ECH1: variants seen among roughly 807,000 people sequenced by gnomAD.
The protein encoded by ECH1 is delta(3,5)-Delta(2,4)-dienoyl-CoA isomerase, mitochondrial.
A neutral mutation model predicts 37.0 loss-of-function variants in ECH1; 30 were observed. The ratio of observed to expected loss-of-function variants is 0.81; its 90% CI spans 0.61 to 1.10. ECH1 has a LOEUF of 1.10. Among genes scored for constraint, ECH1 ranks in the 50% least tolerant of loss-of-function variants. The probability of loss-of-function intolerance (pLI) is 0.00; values close to 1 mark genes in which losing one functional copy is unlikely to be tolerated. For missense variants in ECH1, 456 were observed against 441.6 expected (o/e 1.03, Z -0.29); for synonymous variants, 178 against 176.0 (o/e 1.01, Z -0.09).
At chr19:38,818,143 C>T in intron 3 of ECH1, 1 of 853,012 alleles carries the variant, frequency 1.2e-6, no homozygotes, top group South Asian at 5.4e-5. Context: ...CACGTGTGAG[C>T]CACCATGCCG....
chr19:38,825,382 C>T (rs565509650), intron 3 of ECH1, among the ~76,000 whole-genome samples: 30 of 152,338 alleles, frequency 2.0e-4, no homozygotes, highest in Non-Finnish European at 3.8e-4. Context: ...GGAAGAAAAT[C>T]CTTCTGCCTT....
chr19:38,831,653 C>A, intron 1 of ECH1, 68 bp downstream of exon 1: 2 of 1,599,920 alleles, frequency 1.3e-6, no homozygotes. Context: ...GGATAGCCCT[C>A]CCCGTCCTAC....
At chr19:38,818,923 G>GTGTGTGTT (rs1428342171) in intron 3 of ECH1, among the ~76,000 whole-genome samples, 1 of 136,126 alleles carries the variant, frequency 7.3e-6, no homozygotes, top group East Asian at 3.2e-4. Flanking sequence ...GTGTGTGTGT[G>GTGTGTGTT]TGTGTGTGTG....
intron 3 of ECH1, among the ~76,000 whole-genome samples, chr19:38,824,528 G>T (rs1169211261): frequency 6.6e-6 from 1 of 152,156 alleles, no homozygotes; most frequent in Non-Finnish European, 1.5e-5. Context: ...CTGAAAAAGA[G>T]GAGGCTCATT....
At chr19:38,816,970 T>TC in intron 6 of ECH1, 95 bp downstream of exon 6, 1 of 1,389,146 alleles carries the variant, frequency 7.2e-7, no homozygotes, top group Non-Finnish European at 9.9e-7. Flanking sequence ...CGGGTTCAAC[T>TC]CCGACTCTTC....
chr19:38,821,727 TC>T (rs1250083860), intron 3 of ECH1, among the ~76,000 whole-genome samples: 3 of 152,130 alleles, frequency 2.0e-5, no homozygotes, highest in African/African-American at 7.2e-5. Flanking sequence ...CTCAGCTGCC[TC>T]CCTGTGGGGC....
At chr19:38,828,842 C>T (rs557250862) in intron 3 of ECH1, among the ~76,000 whole-genome samples, 5 of 150,530 alleles carry the variant, frequency 3.3e-5, no homozygotes, top group Non-Finnish European at 5.9e-5. Flanking sequence ...AGGATGGTCT[C>T]GATCTCCTGA....
At chr19:38,816,598 T>C (rs1454051583) in intron 6 of ECH1, 75 bp from the exon 7 acceptor site, 1 of 1,549,654 alleles carries the variant, frequency 6.5e-7, no homozygotes, top group Admixed American at 1.8e-5. Flanking sequence ...TCCATGAAAT[T>C]TCATGTCTAC....
chr19:38,816,662 A>T, intron 6 of ECH1, 139 bp from the exon 7 acceptor site: 1 of 1,073,408 alleles, frequency 9.3e-7, no homozygotes, highest in Non-Finnish European at 1.4e-6. Context: ...GTCCCATTCC[A>T]TTGCCCAGGC....
At chr19:38,821,299 C>A (rs1337982376) in intron 3 of ECH1, among the ~76,000 whole-genome samples, 1 of 152,062 alleles carries the variant, frequency 6.6e-6, no homozygotes. Context: ...CAGAGGGAGA[C>A]CCTGTCTCAA....
chr19:38,831,357 T>A lies in ECH1; in HGVS notation c.212A>T (p.Gln71Leu), dbSNP rs763324233. Residue 71 changes from glutamine to leucine, a missense_variant, in exon 2 of 10, where the codon CAG becomes CTG. Transcript: ENST00000221418. Reference sequence around the variant, plus strand: ...ATTCCTCTTGTTGGGCCGGTTGAGCTGGACATGCAGAACATGTTTCTGCGC... The same window carrying A: ...ATTCCTCTTGTTGGGCCGGTTGAGCAGGACATGCAGAACATGTTTCTGCGC... ...TSAQKHVLHVQLNRPNKRNAM... is the reference protein window; with the variant it reads ...TSAQKHVLHVLLNRPNKRNAM... 1.2e-6 allele frequency: 2 copies of A among 1,613,850 alleles called. No individual in the cohort carries two copies. Among genetic ancestry groups the A allele is most frequent in the Non-Finnish European group, 1.7e-6 (2 of 1,179,852 alleles).
intron 3 of ECH1, among the ~76,000 whole-genome samples, chr19:38,829,230 A>G (rs912874792): frequency 2.1e-5 from 3 of 143,664 alleles, no homozygotes; most frequent in African/African-American, 7.8e-5. Context: ...GGTTGCAGTG[A>G]GCCCAGACTG....
chr19:38,816,509 ACCCACGTCCACCT>A lies in ECH1; in HGVS notation c.590_602del (p.Glu197ValfsTer6). ...GCAGTGTTCCTACATCGGCAGCCAA[ACCCACGTCCACCT>A]CCTGGGGGAGGAATCGGGTCAGTGT... On this transcript the variant is annotated frameshift_variant and splice_region_variant, in exon 7 of 10. Coordinates refer to ENST00000221418, the MANE Select transcript of ECH1 (RefSeq NM_001398.3). LOFTEE classifies it high-confidence loss of function. 1 of 1,614,138 alleles carries A rather than the reference ACCCACGTCCACCT, an allele frequency of 6.2e-7. No homozygotes were observed. The highest frequency in any genetic ancestry group is 8.5e-7 in the Non-Finnish European group (1 of 1,179,996).
At chr19:38,818,930 T>TGCGCGC (rs572871334) in intron 3 of ECH1, among the ~76,000 whole-genome samples, 12 of 108,928 alleles carry the variant, frequency 1.1e-4, no homozygotes, top group African/African-American at 1.6e-4. Context: ...TGTGTGTGTG[T>TGCGCGC]GTGCACTGTT....
chr19:38,824,378 C>T (rs1285308970), intron 3 of ECH1, among the ~76,000 whole-genome samples: 1 of 152,158 alleles, frequency 6.6e-6, no homozygotes, highest in African/African-American at 2.4e-5. Flanking sequence ...GGGACTGTTG[C>T]AGTTTCTTGG....
intron 3 of ECH1, 197 bp downstream of exon 3, chr19:38,830,881 G>A (rs577518016): frequency 1.0e-5 from 6 of 581,056 alleles, no homozygotes; most frequent in East Asian, 5.9e-5. Flanking sequence ...GCTTGAACCC[G>A]GGAGGTGGAG....
At chr19:38,820,056 T>C (rs911472992) in intron 3 of ECH1, 1 of 646,904 alleles carries the variant, frequency 1.5e-6, no homozygotes, top group Non-Finnish European at 1.8e-6. Context: ...CCCCTTACTT[T>C]TTTTTTTTTT....
chr19:38,826,677 C>A (rs1971743682), intron 3 of ECH1, among the ~76,000 whole-genome samples: 1 of 152,198 alleles, frequency 6.6e-6, no homozygotes, highest in Admixed American at 6.5e-5. Context: ...ACTCTGACTC[C>A]CAGTTTCTCT....
chr19:38,817,623 C>T lies in ECH1; in HGVS notation c.350-48G>A. On this transcript the variant is annotated intron_variant, in intron 3 of 9. Coordinates refer to ENST00000221418, the MANE Select transcript of ECH1 (RefSeq NM_001398.3). ...CTCATCCAGGCTCCCAGGCCCCACCCATTGACTCAACCAGGGATCAGAACC... is the reference window on the plus strand; with the variant it reads ...CTCATCCAGGCTCCCAGGCCCCACCTATTGACTCAACCAGGGATCAGAACC... The T allele has an allele frequency of 1.3e-6, 2 of 1,544,024 alleles. 1 individual carries two copies. The highest frequency in any genetic ancestry group is 4.6e-5 in the East Asian group (2 of 43,452).
Sources: gnomAD v4.1 joint callset for allele counts (sites outside exome capture counted in the v4.1 genomes callset) on GRCh38, gnomAD v4.1.1 for gene constraint, MANE v1.5 for transcripts, NCBI Gene and HGNC (gene_info 2026-07-23, HGNC 2026-07-21) for gene names.